The following CLVS1 variants were observed in gnomAD, a reference collection of about 807,000 sequenced individuals.
CLVS1 encodes clavesin-1.
CLVS1 carries 10 observed loss-of-function variants against 33.1 expected under a neutral mutation model. The ratio of observed to expected loss-of-function variants is 0.30; its 90% CI spans 0.19 to 0.51. CLVS1 has a LOEUF of 0.51. Among genes scored for constraint, CLVS1 ranks in the 20% least tolerant of loss-of-function variants. The pLI is 0.97. For synonymous variants in CLVS1, 163 were observed against 166.1 expected, an observed-to-expected ratio of 0.98 and a Z score of 0.14; for missense variants, 343 against 433.4, an observed-to-expected ratio of 0.79 and a Z score of 1.85.
intron 2 of CLVS1, among the ~76,000 whole-genome samples, chr8:61,166,881 C>CTT (rs1219328139): frequency 2.3e-5 from 3 of 129,220 alleles, no homozygotes; most frequent in Admixed American, 7.8e-5. Context: ...TAATTTTTTT[C>CTT]TTTTTTTTCT....
At chr8:61,036,958 C>A in the CLVS1 span, among the ~76,000 whole-genome samples, 2 of 152,120 alleles carry the variant, frequency 1.3e-5, no homozygotes, top group Non-Finnish European at 2.9e-5. Flanking sequence ...CATGATGGGC[C>A]TCTCTGACCA....
At chr8:61,239,064 C>T (rs1808633888) in intron 2 of CLVS1, among the ~76,000 whole-genome samples, 1 of 152,228 alleles carries the variant, frequency 6.6e-6, no homozygotes, top group Non-Finnish European at 1.5e-5. Flanking sequence ...ACCTTTGCCA[C>T]TTGGACAGTT....
At chr8:61,177,949 T>A (rs1255734469) in intron 2 of CLVS1, among the ~76,000 whole-genome samples, 2 of 151,946 alleles carry the variant, frequency 1.3e-5, no homozygotes, top group African/African-American at 4.8e-5. Flanking sequence ...CTCCAAATAA[T>A]CACTACACCT....
intron 2 of CLVS1, among the ~76,000 whole-genome samples, chr8:61,372,940 G>A (rs1355016824): frequency 6.6e-6 from 1 of 152,126 alleles, no homozygotes; most frequent in Non-Finnish European, 1.5e-5. Context: ...GGATCACCTG[G>A]CTAAGGTAGT....
At chr8:60,986,371 A>G in the CLVS1 span, among the ~76,000 whole-genome samples, 26 of 152,370 alleles carry the variant, frequency 1.7e-4, no homozygotes, top group East Asian at 5.0e-3. Context: ...GGCTGTTTCT[A>G]TGGAAACAGA....
At chr8:61,278,376 T>C (rs1013023317) in intron 2 of CLVS1, among the ~76,000 whole-genome samples, 1 of 152,254 alleles carries the variant, frequency 6.6e-6, no homozygotes, top group African/African-American at 2.4e-5. Context: ...CACTAATTTC[T>C]GTTTACCAGT....
intron 1 of CLVS1, among the ~76,000 whole-genome samples, chr8:61,106,512 G>A (rs1805541668): frequency 6.6e-6 from 1 of 152,178 alleles, no homozygotes; most frequent in South Asian, 2.1e-4. Context: ...AAACAATAAG[G>A]TGTAGGAGGA....
At chr8:61,437,013 G>A (rs1449644783) in intron 3 of CLVS1, among the ~76,000 whole-genome samples, 1 of 152,096 alleles carries the variant, frequency 6.6e-6, no homozygotes, top group Non-Finnish European at 1.5e-5. Flanking sequence ...GATTTTCAGG[G>A]GAAATGAATG....
At chr8:61,302,584 A>G (rs1810476791) in intron 2 of CLVS1, among the ~76,000 whole-genome samples, 1 of 152,232 alleles carries the variant, frequency 6.6e-6, no homozygotes, top group Admixed American at 6.5e-5. Context: ...TACACAATTC[A>G]TTGGTGCAGG....
chr8:61,090,870 T>A (rs771540699), intron 1 of CLVS1: 1 of 518,692 alleles, frequency 1.9e-6, no homozygotes. Context: ...ATGAGAAGAC[T>A]GAGATTTTGG....
At chr8:61,329,393 T>TA (rs569709560) in intron 2 of CLVS1, among the ~76,000 whole-genome samples, 10 of 152,346 alleles carry the variant, frequency 6.6e-5, no homozygotes, top group African/African-American at 2.4e-4. Flanking sequence ...ACCTTGAACA[T>TA]AAATTTCCCC....
At chr8:61,027,825 A>G in the CLVS1 span, among the ~76,000 whole-genome samples, 1 of 152,218 alleles carries the variant, frequency 6.6e-6, no homozygotes, top group Non-Finnish European at 1.5e-5. Context: ...TATACTAAAT[A>G]TACTCACATG....
At chr8:61,158,140 C>A (rs1486175707) in intron 2 of CLVS1, among the ~76,000 whole-genome samples, 2 of 152,116 alleles carry the variant, frequency 1.3e-5, no homozygotes, top group Non-Finnish European at 2.9e-5. Context: ...TAAAAAGGAA[C>A]AAACTATTGA....
At chr8:61,343,263 A>G (rs569515204) in intron 2 of CLVS1, among the ~76,000 whole-genome samples, 1 of 152,354 alleles carries the variant, frequency 6.6e-6, no homozygotes, top group African/African-American at 2.4e-5. Context: ...AGATAAAAAT[A>G]TATGGGGATG....
intron 1 of CLVS1, among the ~76,000 whole-genome samples, chr8:61,093,362 T>TC (rs1805288251): frequency 6.6e-6 from 1 of 152,176 alleles, no homozygotes; most frequent in African/African-American, 2.4e-5. Context: ...TAATGCAGCC[T>TC]CTATGGCTAT....
intron 2 of CLVS1, among the ~76,000 whole-genome samples, chr8:61,242,364 T>G (rs755471317): frequency 4.6e-5 from 7 of 152,222 alleles, no homozygotes; most frequent in Non-Finnish European, 1.0e-4. Flanking sequence ...ATTTTCAGAT[T>G]GAATTGTTTC....
At chr8:61,027,673 G>T in the CLVS1 span, among the ~76,000 whole-genome samples, 1 of 152,062 alleles carries the variant, frequency 6.6e-6, no homozygotes, top group South Asian at 2.1e-4. Flanking sequence ...CTCTAGCATT[G>T]GTGTGTTTTG....
chr8:60,996,213 T>G, the CLVS1 span, among the ~76,000 whole-genome samples: 16 of 152,334 alleles, frequency 1.1e-4, no homozygotes, highest in African/African-American at 3.8e-4. Context: ...AAAAATCTAT[T>G]TGGTAAATCT....
At chr8:61,218,796 A>T (rs10957186) in intron 2 of CLVS1, among the ~76,000 whole-genome samples, 9,318 of 142,378 alleles carry the variant, frequency 0.065, 455 homozygotes, top group South Asian at 0.16. Context: ...AAAAAAAAAA[A>T]AGCTGGGAGT....
Sources: gnomAD v4.1 joint callset for allele counts (sites outside exome capture counted in the v4.1 genomes callset) on GRCh38, gnomAD v4.1.1 for gene constraint, MANE v1.5 for transcripts, NCBI Gene and HGNC (gene_info 2026-07-23, HGNC 2026-07-21) for gene names.